KIAA0825: variants seen among roughly 807,000 people sequenced by gnomAD.
The protein encoded by KIAA0825 is KIAA0825, also known as uncharacterized protein KIAA0825.
In KIAA0825, 119 loss-of-function variants were observed where a neutral mutation model predicts 147.6. The observed-to-expected ratio is 0.81, with a 90% CI of 0.69 to 0.94. The LOEUF is 0.94. Among genes scored for constraint, KIAA0825 ranks in the 40% least tolerant of loss-of-function variants. The pLI, the probability that KIAA0825 is intolerant of heterozygous loss-of-function variation, is 0.00. For synonymous variants in KIAA0825, 470 were observed against 518.1 expected (o/e 0.91, Z 1.26); for missense variants, 1,381 against 1,472.7 (o/e 0.94, Z 1.02).
rs545483145 is a variant in KIAA0825, at chr5:94,516,738, G to C, written c.970+3510C>G. Among the ~76,000 whole-genome samples, 766 of 148,320 alleles carry C rather than the reference G, an allele frequency of 5.2e-3. 5 individuals are homozygous for C. The highest frequency in any genetic ancestry group is 9.1e-3 in the Non-Finnish European group (612 of 67,084). The stretch of plus-strand genomic sequence containing the variant: ...CCCGGAAGTGGAGCTTGCAGTGAGC[G>C]GAGATCGCGCCACAGCACTCCCGCC... On this transcript the variant is annotated intron_variant, in intron 5 of 20. Coordinates refer to ENST00000682413, the MANE Select transcript of KIAA0825 (RefSeq NM_001145678.3).
In KIAA0825 at chr5:94,386,360, TTCCTC is replaced by T; in HGVS notation, c.3496_3500del (p.Glu1166LysfsTer23). On this transcript the variant is annotated frameshift_variant, in exon 19 of 21. Coordinates refer to ENST00000682413, the MANE Select transcript of KIAA0825 (RefSeq NM_001145678.3). LOFTEE classifies it high-confidence loss of function. ...TTAAAGGTCGGATGGGTAATGGCTTTTCCTCTGAACTATTCATAGAAAACAGCTGT... is the reference window on the plus strand; with the variant it reads ...TTAAAGGTCGGATGGGTAATGGCTTTTGAACTATTCATAGAAAACAGCTGT... 6.4e-7 allele frequency: 1 copy of T among 1,551,694 alleles called. No homozygotes were observed.
intron 2 of KIAA0825, among the ~76,000 whole-genome samples, chr5:94,547,794 A>T (rs1774744323): frequency 6.6e-6 from 1 of 151,834 alleles, no homozygotes; most frequent in African/African-American, 2.4e-5. Flanking sequence ...CATACAACGG[A>T]GCTCCAGTAT....
chr5:94,493,143 C>G (rs1763924576), intron 5 of KIAA0825, among the ~76,000 whole-genome samples: 1 of 152,216 alleles, frequency 6.6e-6, no homozygotes, highest in African/African-American at 2.4e-5. Flanking sequence ...GAAATAGACC[C>G]TATAAATCTC....
chr5:94,502,723 T>A (rs1469146209), intron 5 of KIAA0825, among the ~76,000 whole-genome samples: 1 of 152,192 alleles, frequency 6.6e-6, no homozygotes, highest in Non-Finnish European at 1.5e-5. Flanking sequence ...TAGGAATGGA[T>A]CACTTGTCAC....
chr5:94,282,223 C>T (rs767157646), intron 20 of KIAA0825, among the ~76,000 whole-genome samples: 8 of 152,074 alleles, frequency 5.3e-5, no homozygotes, highest in African/African-American at 9.7e-5. Context: ...TTCACTTCAA[C>T]AGGCAATGCC....
At chr5:94,466,992 T>C (rs951416215) in intron 10 of KIAA0825, among the ~76,000 whole-genome samples, 6 of 152,128 alleles carry the variant, frequency 3.9e-5, no homozygotes, top group Admixed American at 3.9e-4. Flanking sequence ...CAGTTCTTAT[T>C]ATAACGTGAT....
chr5:94,162,262 C>T (rs1233128078), intron 20 of KIAA0825, among the ~76,000 whole-genome samples: 3 of 152,092 alleles, frequency 2.0e-5, no homozygotes, highest in African/African-American at 7.2e-5. Flanking sequence ...AAAACTTTCT[C>T]CAGGGAACGC....
chr5:94,527,518 T>A (rs892778063), intron 3 of KIAA0825, among the ~76,000 whole-genome samples: 1 of 152,002 alleles, frequency 6.6e-6, no homozygotes, highest in Admixed American at 6.6e-5. Flanking sequence ...AAATTTTTAT[T>A]TCTTAAATCA....
chr5:94,350,677 T>C (rs1278177219), intron 20 of KIAA0825, among the ~76,000 whole-genome samples: 1 of 152,048 alleles, frequency 6.6e-6, no homozygotes, highest in East Asian at 1.9e-4. Flanking sequence ...AAAACAGTAA[T>C]CATATGATCA....
intron 2 of KIAA0825, among the ~76,000 whole-genome samples, chr5:94,546,792 CAAAA>C (rs372542896): frequency 2.0e-5 from 1 of 49,696 alleles, no homozygotes; most frequent in East Asian, 6.0e-4. Flanking sequence ...GTCCAGGCAC[CAAAA>C]AAAAAAAAAA....
chr5:94,260,155 AATT>A, intron 20 of KIAA0825, among the ~76,000 whole-genome samples: 1 of 152,132 alleles, frequency 6.6e-6, no homozygotes, highest in Non-Finnish European at 1.5e-5. Flanking sequence ...AATTTAAAAT[AATT>A]ATTGTGAGAC....
At chr5:94,577,194 G>A (rs190789221) in intron 2 of KIAA0825, among the ~76,000 whole-genome samples, 1 of 152,006 alleles carries the variant, frequency 6.6e-6, no homozygotes, top group Non-Finnish European at 1.5e-5. Flanking sequence ...TCATTTTATA[G>A]AACCATCTGT....
intron 19 of KIAA0825, 84 bp from the exon 20 acceptor site, chr5:94,384,542 T>C (rs1270665086): frequency 1.5e-5 from 16 of 1,081,132 alleles, no homozygotes; most frequent in Admixed American, 4.1e-5. Flanking sequence ...CCAGCTGTGA[T>C]AGACTAACTA....
At chr5:94,189,354 A>T (rs2149996705) in intron 20 of KIAA0825, among the ~76,000 whole-genome samples, 1 of 152,264 alleles carries the variant, frequency 6.6e-6, no homozygotes, top group South Asian at 2.1e-4. Context: ...ACCTAGTGTC[A>T]TAAAGATTTT....
intron 2 of KIAA0825, among the ~76,000 whole-genome samples, chr5:94,578,610 C>T (rs1228415528): frequency 6.6e-6 from 1 of 152,020 alleles, no homozygotes; most frequent in East Asian, 1.9e-4. Context: ...CATTATAATG[C>T]TCTTGAAATA....
In KIAA0825 at chr5:94,274,075, A is replaced by G. The variant is rs186736951; in HGVS notation, c.3710+110293T>C. Among the ~76,000 whole-genome samples, 336 of 152,272 alleles carry G rather than the reference A, an allele frequency of 2.2e-3. 6 individuals are homozygous for G. The highest frequency in any genetic ancestry group is 3.4e-3 in the Middle Eastern group (1 of 294). On this transcript the variant is annotated intron_variant, in intron 20 of 20. Transcript: ENST00000682413. Reference sequence around the variant, plus strand: ...TCAATAGCTAGAAGCAATATAGCTCAACTGAGAAAATGCTTACTTTGGAAT... The same window carrying G: ...TCAATAGCTAGAAGCAATATAGCTCGACTGAGAAAATGCTTACTTTGGAAT...
At chr5:94,586,738 A>C (rs1303417921) in intron 1 of KIAA0825, among the ~76,000 whole-genome samples, 1 of 152,202 alleles carries the variant, frequency 6.6e-6, no homozygotes, top group Non-Finnish European at 1.5e-5. Flanking sequence ...AGACCCAACA[A>C]AAAAAGAGAA....
At chr5:94,469,015 C>A (rs1760888521) in intron 10 of KIAA0825, among the ~76,000 whole-genome samples, 1 of 152,096 alleles carries the variant, frequency 6.6e-6, no homozygotes, top group Non-Finnish European at 1.5e-5. Context: ...TGCACATAAT[C>A]AATGAGATTT....
intron 20 of KIAA0825, among the ~76,000 whole-genome samples, chr5:94,342,280 T>C (rs1782494948): frequency 6.6e-6 from 1 of 152,164 alleles, no homozygotes; most frequent in Non-Finnish European, 1.5e-5. Flanking sequence ...ATACAGCTAG[T>C]AAAATATATT....
Sources: gnomAD v4.1 joint callset for allele counts (sites outside exome capture counted in the v4.1 genomes callset) on GRCh38, gnomAD v4.1.1 for gene constraint, MANE v1.5 for transcripts, NCBI Gene and HGNC (gene_info 2026-07-23, HGNC 2026-07-21) for gene names.